The following DHX40 variants were observed in gnomAD, a reference collection of about 807,000 sequenced individuals.
The protein encoded by DHX40 is DEAH-box helicase 40, also known as probable ATP-dependent RNA helicase DHX40.
A neutral mutation model predicts 89.6 loss-of-function variants in DHX40; 28 were observed. That is an observed-to-expected ratio of 0.31 (90% confidence interval 0.23 to 0.43). DHX40 has a LOEUF of 0.43. DHX40 is among the 20% of genes least tolerant of loss of function. DHX40 has a pLI of 1.00. For missense variants in DHX40, 457 were observed against 844.0 expected, an observed-to-expected ratio of 0.54 and a Z score of 5.68; for synonymous variants, 226 against 283.6, an observed-to-expected ratio of 0.80 and a Z score of 2.04.
intron 14 of DHX40, 145 bp from the exon 15 acceptor site, chr17:59,602,377 G>T (rs1030321431): frequency 8.8e-6 from 5 of 569,270 alleles, no homozygotes; most frequent in East Asian, 3.1e-5. Flanking sequence ...CCATTTTTTT[G>T]GTTTCAGGTG....
intron 12 of DHX40, among the ~76,000 whole-genome samples, chr17:59,589,215 A>ATTTTTTTTTT (rs1209554990): frequency 2.2e-5 from 2 of 89,358 alleles, no homozygotes; most frequent in Admixed American, 1.4e-4. Flanking sequence ...ACTTGCTGGG[A>ATTTTTTTTTT]TTTTTTTTTT....
intron 2 of DHX40, 70 bp from the exon 3 acceptor site, chr17:59,570,448 A>C: frequency 6.8e-7 from 1 of 1,476,366 alleles, no homozygotes; most frequent in South Asian, 1.4e-5. Context: ...TGATTGGCCA[A>C]AAACAATTTA....
Position 59,586,087 on chromosome 17 carries a change from T to A in DHX40, c.1344-66T>A. On this transcript the variant is annotated intron_variant, in intron 10 of 17. Transcript: ENST00000251241. ...AAACCTTTTAAAGAAATTTTCGTCA[T>A]GTCTATATAAAATCCTACCATGTTC... 15 of 1,187,134 alleles carry A rather than the reference T, an allele frequency of 1.3e-5. No homozygotes were observed. In the South Asian group the frequency reaches 2.2e-4, roughly 17 times the overall value. 73.5% of individuals were successfully genotyped at this position (1,187,134 alleles called of 1,614,324 possible).
rs76877486 is a variant in DHX40 at position 59,590,558 on chromosome 17, T to C, written c.1582+2505T>C. ...TCTTGGCTCATTGCAACCTCTGCCT[T>C]CCAGGCTCAAGTGATCCTCCCATAC... On this transcript the variant is annotated intron_variant, in intron 12 of 17. Coordinates refer to ENST00000251241, the MANE Select transcript of DHX40 (RefSeq NM_024612.5). 7.5e-3 allele frequency among the ~76,000 whole-genome samples: 1,143 copies of C among 151,742 alleles called. 20 individuals are homozygous for C. Among genetic ancestry groups the C allele is most frequent in the Non-Finnish European group, 0.012 (830 of 67,794 alleles).
Position 59,607,343 on chromosome 17 carries a change from A to C in DHX40, c.*171A>C. On this transcript the variant is annotated 3_prime_UTR_variant, in exon 18 of 18. Transcript: ENST00000251241. ...AATCAAAGCTCATCAGTTCCCATAA[A>C]TGCAGTTGTCAAAGAAAAGATTTGG... is the stretch of plus-strand genomic sequence containing the variant. 1 of 1,337,764 alleles carries C rather than the reference A, an allele frequency of 7.5e-7. No homozygotes were observed. The highest frequency in any genetic ancestry group is 1.0e-6 in the Non-Finnish European group (1 of 966,230). 82.9% of individuals were successfully genotyped at this position (1,337,764 alleles called of 1,614,324 possible).
chr17:59,568,101 G>A (rs984187037), intron 2 of DHX40, among the ~76,000 whole-genome samples: 14 of 152,028 alleles, frequency 9.2e-5, no homozygotes, highest in African/African-American at 7.2e-5. Context: ...GGTGGCGGGC[G>A]CCTATAATCC....
At position 59,587,934 on chromosome 17, in the gene DHX40, A is replaced by C; in HGVS notation, c.1463A>C (p.Glu488Ala). 6.2e-7 allele frequency: 1 copy of C among 1,613,618 alleles called. No homozygotes were observed. Among genetic ancestry groups the C allele is most frequent in the Non-Finnish European group, 8.5e-7 (1 of 1,179,770 alleles). Residue 488 changes from glutamate (E) to alanine (A), a missense_variant, in exon 12 of 18, where the codon GAG becomes GCG. Physicochemically the swap from Glu to Ala is moderately radical, Grantham distance 107. This residue lies in a region of DHX40 where 19 missense variants were observed against 110.3 expected (regional missense o/e 0.17). Coordinates refer to ENST00000251241, the MANE Select transcript of DHX40 (RefSeq NM_024612.5). Reference protein sequence around the residue: ...HVTRLGLSMVEFPLPPHLTCA... With the variant: ...HVTRLGLSMVAFPLPPHLTCA... ...ACCAGATTGGGTTTGTCTATGGTGG[A>C]GTTTCCTTTGCCTCCACATCTGACA...
At chr17:59,576,829 T>G (rs948878528) in intron 7 of DHX40, among the ~76,000 whole-genome samples, 1 of 152,040 alleles carries the variant, frequency 6.6e-6, no homozygotes, top group African/African-American at 2.4e-5. Context: ...TTTTTACTGC[T>G]ACATTGAAAA....
chr17:59,604,147 G>A (rs1598181428), intron 15 of DHX40: 2 of 152,204 alleles, frequency 1.3e-5, no homozygotes, highest in Non-Finnish European at 2.9e-5. Flanking sequence ...TAATGTATCA[G>A]TGTTAATTTC....
intron 7 of DHX40, 110 bp downstream of exon 7, chr17:59,575,581 A>G (rs1337738138): frequency 2.3e-5 from 19 of 814,178 alleles, no homozygotes; most frequent in Non-Finnish European, 3.8e-5. Flanking sequence ...AGTTTCACAA[A>G]CCAGTCTCAC....
chr17:59,595,084 T>G (rs1429364910), intron 12 of DHX40, among the ~76,000 whole-genome samples: 1 of 131,902 alleles, frequency 7.6e-6, no homozygotes, highest in Non-Finnish European at 1.6e-5. Context: ...ATTTTTTGTT[T>G]TTTGTTTTTT....
In DHX40 at chr17:59,605,160, A is replaced by G. The variant is rs370681632; in HGVS notation, c.1947A>G (p.Pro649=). Residue 649 remains proline, a synonymous_variant, in exon 16 of 18, where the codon CCA becomes CCG. Coordinates refer to ENST00000251241, the MANE Select transcript of DHX40 (RefSeq NM_024612.5). Reference sequence around the variant, plus strand: ...GCACAATGGATGGTCGTGGAAGCCCAGTTCACATTCATCCTTCCTCAGCAG... The same window carrying G: ...GCACAATGGATGGTCGTGGAAGCCCGGTTCACATTCATCCTTCCTCAGCAG... ...TFCTMDGRGS[P]VHIHPSSALH... 279 of 1,613,980 alleles carry G rather than the reference A, an allele frequency of 1.7e-4. 1 individual carries two copies. Among genetic ancestry groups the G allele is most frequent in the Non-Finnish European group, 2.2e-4 (260 of 1,179,982 alleles).
Position 59,565,619 on chromosome 17 carries a change from C to A in DHX40, c.-53C>A. The A allele has an allele frequency of 6.6e-7, 1 of 1,519,340 alleles. No homozygotes were observed. The highest frequency in any genetic ancestry group is 8.9e-7 in the Non-Finnish European group (1 of 1,123,722). The allele number at this position is 1,519,340 out of a possible 1,614,324, so 94.1% of individuals were successfully genotyped here. A position where few individuals can be genotyped will look rare whatever the true frequency, so the allele number is the denominator to read the frequency against. ...ATCAGGGCGCGTCCTCGTCTTTCCC[C>A]TCCCATCTCCTCAGATCGGTGGACG... is the stretch of plus-strand genomic sequence containing the variant. On this transcript the variant is annotated 5_prime_UTR_variant, in exon 1 of 18. Transcript: ENST00000251241.
intron 2 of DHX40, among the ~76,000 whole-genome samples, chr17:59,567,561 C>T (rs1416996979): frequency 1.3e-5 from 2 of 152,188 alleles, no homozygotes; most frequent in Non-Finnish European, 2.9e-5. Context: ...CTGCTCAGCT[C>T]ATTGGAACAC....
intron 12 of DHX40, among the ~76,000 whole-genome samples, chr17:59,592,579 A>G (rs1178442347): frequency 6.7e-6 from 1 of 149,916 alleles, no homozygotes; most frequent in Non-Finnish European, 1.5e-5. Flanking sequence ...TATAAATAGA[A>G]TTTTTTTTTT....
At chr17:59,574,022 T>G in intron 5 of DHX40, 55 bp downstream of exon 5, 1 of 1,050,330 alleles carries the variant, frequency 9.5e-7, no homozygotes, top group East Asian at 2.7e-5. Context: ...TTCTTACTAA[T>G]TGGGTGGTTT....
chr17:59,573,548 G>C (rs990762842), intron 4 of DHX40, among the ~76,000 whole-genome samples, 192 bp from the exon 5 acceptor site: 1 of 152,076 alleles, frequency 6.6e-6, no homozygotes, highest in African/African-American at 2.4e-5. Flanking sequence ...TTCCCTGGCA[G>C]GTCTCGACCT....
At chr17:59,602,648 G>T in intron 15 of DHX40, 32 bp downstream of exon 15, 1 of 1,528,990 alleles carries the variant, frequency 6.5e-7, no homozygotes. Flanking sequence ...GATGGATCAA[G>T]ATATAATACT....
intron 4 of DHX40, 30 bp from the exon 5 acceptor site, chr17:59,573,710 T>G: frequency 6.2e-7 from 1 of 1,610,602 alleles, no homozygotes; most frequent in Non-Finnish European, 8.5e-7. Context: ...AGTGTACTTG[T>G]GACTTACTAG....
Sources: gnomAD v4.1 joint callset for allele counts (sites outside exome capture counted in the v4.1 genomes callset) on GRCh38, gnomAD v4.1.1 for gene constraint, gnomAD v4.1.1 regional missense constraint, MANE v1.5 for transcripts, NCBI Gene and HGNC (gene_info 2026-07-23, HGNC 2026-07-21) for gene names.